Variants in ATP2C1 observed in about 807,000 individuals in gnomAD.
ATP2C1 encodes ATPase secretory pathway Ca2+ transporting 1.
ATP2C1 carries 31 observed loss-of-function variants against 120.5 expected under a neutral mutation model. That is an observed-to-expected ratio of 0.26 (90% CI 0.19 to 0.35). The LOEUF is 0.35. Among genes scored for constraint, ATP2C1 ranks in the 10% least tolerant of loss-of-function variants. The pLI is 1.00. For missense variants in ATP2C1, 731 were observed against 1,107.5 expected (o/e 0.66, Z 4.83); for synonymous variants, 351 against 358.7 (o/e 0.98, Z 0.24).
At chr3:130,923,549 A>C (rs909735779) in intron 2 of ATP2C1, among the ~76,000 whole-genome samples, 1 of 147,804 alleles carries the variant, frequency 6.8e-6, no homozygotes, top group Non-Finnish European at 1.5e-5. Flanking sequence ...TGTTGCTTTG[A>C]AGTCTAGTTT....
chr3:131,014,408 G>T, intron 26 of ATP2C1: 1 of 1,540,692 alleles, frequency 6.5e-7, no homozygotes, highest in Non-Finnish European at 8.7e-7. Flanking sequence ...CAAGAAAAAA[G>T]TATGTTGTTA....
At chr3:130,927,171 A>G (rs537665219) in intron 2 of ATP2C1, among the ~76,000 whole-genome samples, 1 of 152,340 alleles carries the variant, frequency 6.6e-6, no homozygotes, top group African/African-American at 2.4e-5. Context: ...AGGTAAAACA[A>G]CAAACCTACA....
chr3:131,006,781 GC>G (rs902827454), downstream of ATP2C1, among the ~76,000 whole-genome samples: 5 of 151,410 alleles, frequency 3.3e-5, no homozygotes, highest in African/African-American at 1.2e-4. Flanking sequence ...TCCTATCTCA[GC>G]CTCTCAAGTA....
At chr3:130,876,728 A>G (rs1276670561) in intron 1 of ATP2C1, among the ~76,000 whole-genome samples, 1 of 152,092 alleles carries the variant, frequency 6.6e-6, no homozygotes, top group Admixed American at 6.5e-5. Flanking sequence ...AACAATACTA[A>G]TTCTTTCAAT....
chr3:130,963,832 T>C (rs2060934443), intron 12 of ATP2C1, 139 bp from the exon 13 acceptor site: 3 of 1,043,700 alleles, frequency 2.9e-6, no homozygotes, highest in East Asian at 5.1e-5. Flanking sequence ...TAACTTTCTC[T>C]TCCTTTTGAG....
intron 26 of ATP2C1, among the ~76,000 whole-genome samples, chr3:131,012,641 CT>C (rs2063372028): frequency 6.6e-6 from 1 of 152,134 alleles, no homozygotes; most frequent in Admixed American, 6.5e-5. Context: ...CTTGACTACT[CT>C]TTTCTTGATT....
chr3:130,946,377 T>A (rs2060156235), intron 8 of ATP2C1, among the ~76,000 whole-genome samples: 2 of 152,234 alleles, frequency 1.3e-5, no homozygotes, highest in Admixed American at 1.3e-4. Context: ...TCTGGTGTTT[T>A]CAGGGCTTGT....
At chr3:130,989,245 CTCAAAAAAAAAAAAA>C (rs200602267) in intron 20 of ATP2C1, among the ~76,000 whole-genome samples, 718 of 58,360 alleles carry the variant, frequency 0.012, 9 homozygotes, top group African/African-American at 0.032. Context: ...GAAAATCCAT[CTCAAAAAAAAAAAAA>C]ACAAAAAAAC....
chr3:131,004,682 T>G (rs1313520691), downstream of ATP2C1, among the ~76,000 whole-genome samples: 1 of 152,206 alleles, frequency 6.6e-6, no homozygotes, highest in Admixed American at 6.5e-5. Context: ...CATAGAAATT[T>G]CCTAGAACTA....
At chr3:130,984,007 T>G (rs1245890258) in intron 20 of ATP2C1, among the ~76,000 whole-genome samples, 1 of 152,230 alleles carries the variant, frequency 6.6e-6, no homozygotes, top group Non-Finnish European at 1.5e-5. Context: ...AAGTTTTCAA[T>G]TCATTTGGGT....
chr3:130,942,740 T>C (rs1181071959), intron 8 of ATP2C1, among the ~76,000 whole-genome samples: 1 of 152,238 alleles, frequency 6.6e-6, no homozygotes, highest in Non-Finnish European at 1.5e-5. Context: ...TTCATTATCC[T>C]TTTTCTCGTC....
intron 1 of ATP2C1, among the ~76,000 whole-genome samples, chr3:130,875,855 A>G (rs767943230): frequency 1.4e-5 from 2 of 145,546 alleles, no homozygotes; most frequent in African/African-American, 2.5e-5. Flanking sequence ...TTTGATTTGC[A>G]TTTCTCTGAT....
At position 130,900,571 on chromosome 3, in the gene ATP2C1, CT is replaced by C. The variant is rs556293893; in HGVS notation, c.6+5805del. Among the ~76,000 whole-genome samples the C allele has an allele frequency of 3.3e-3, 503 of 151,528 alleles. 1 individual carries two copies. Among genetic ancestry groups the C allele is most frequent in the Non-Finnish European group, 5.1e-3 (349 of 67,804 alleles). ...AATATTTAGGATGTCACTCATCAGA[CT>C]TTTTTTTTGAATATGTAAATGTGTT... On this transcript the variant is annotated intron_variant, in intron 2 of 27. Transcript: ENST00000510168.
In ATP2C1 at chr3:131,013,474, T is replaced by TAACA. The variant is rs1158167647; in HGVS notation, c.2630-2677_2630-2674dup. Among the ~76,000 whole-genome samples the TAACA allele has an allele frequency of 3.3e-5, 5 of 152,366 alleles. No homozygotes were observed. In the South Asian group the frequency reaches 8.3e-4, roughly 25 times the overall value. On this transcript the variant is annotated intron_variant, in intron 26 of 26. Coordinates refer to the ATP2C1 transcript ENST00000328560. ...TCACTGTTTCCTCCTTCTCCAGGTC[T>TAACA]AACAGCTCAGGATGCTGTTTCTTAT...
At chr3:130,921,077 TTC>T (rs2058939350) in intron 2 of ATP2C1, among the ~76,000 whole-genome samples, 2 of 148,436 alleles carry the variant, frequency 1.3e-5, no homozygotes, top group Non-Finnish European at 1.5e-5. Flanking sequence ...CGAGTTTTCT[TTC>T]TTTTTTTTTT....
chr3:130,863,723 T>C (rs1576535147), intron 1 of ATP2C1, among the ~76,000 whole-genome samples: 1 of 152,332 alleles, frequency 6.6e-6, no homozygotes, highest in East Asian at 1.9e-4. Context: ...GCTATTCTCA[T>C]TATAGTGAAT....
At position 130,907,081 on chromosome 3, in the gene ATP2C1, C is replaced by T. The variant is rs201655071; in HGVS notation, c.6+12306C>T. ...AGAGTTCTTTATATATATGTGTGTA[C>T]ACACACACACACACACACACATACG... is the stretch of plus-strand genomic sequence containing the variant. On this transcript the variant is annotated intron_variant, in intron 2 of 27. Coordinates refer to ENST00000510168, the MANE Select transcript of ATP2C1 (RefSeq NM_001378687.1). Among the ~76,000 whole-genome samples the T allele has an allele frequency of 6.9e-3, 705 of 101,676 alleles. 4 individuals carry two copies. Among genetic ancestry groups the T allele is most frequent in the African/African-American group, 0.023 (642 of 27,594 alleles). 66.7% of individuals were successfully genotyped at this position (101,676 alleles called of 152,430 possible). A position where few individuals can be genotyped will look rare whatever the true frequency, so the allele number is the denominator to read the frequency against.
Position 130,980,642 on chromosome 3 carries a change from C to A in ATP2C1, c.1802C>A (p.Ala601Glu), listed in dbSNP as rs375115576. The change falls in exon 20 of 28, where the codon GCA becomes GAA. Residue 601 changes from alanine (A) to glutamate (E), a missense_variant. Transcript: ENST00000510168. ...SQSVSGEEID[A>E]MDVQQLSQIV... is the part of the protein sequence containing the mutation. ...TCAGTCTCAGGAGAAGAAATAGATG[C>A]AATGGATGTTCAGCAGCTTTCACAA... 4.1e-5 allele frequency: 66 copies of A among 1,613,242 alleles called. No individual in the cohort carries two copies. The highest frequency in any genetic ancestry group is 5.5e-5 in the Non-Finnish European group (65 of 1,179,502).
intron 2 of ATP2C1, among the ~76,000 whole-genome samples, chr3:130,910,175 C>T (rs7642935): frequency 0.18 from 26,586 of 151,560 alleles, 2,489 homozygotes; most frequent in Middle Eastern, 0.24. Flanking sequence ...CCCTTGTAAG[C>T]TGGATTCCTA....
Sources: allele counts gnomAD v4.1 joint callset (sites outside exome capture counted in the v4.1 genomes callset), GRCh38; gene constraint gnomAD v4.1.1; transcripts MANE v1.5; gene names NCBI Gene and HGNC (gene_info 2026-07-23, HGNC 2026-07-21).